Variants in RARB observed in about 807,000 individuals in gnomAD.
The protein encoded by RARB is retinoic acid receptor beta, also known as HBV-activated protein.
Under a neutral mutation model 51.9 loss-of-function variants are expected in RARB, and 17 were observed. The observed-to-expected ratio is 0.33, with a 90% CI of 0.22 to 0.49. RARB has a LOEUF of 0.49. RARB is among the 20% of genes least tolerant of loss of function. RARB has a pLI of 0.99. For missense variants in RARB, 369 were observed against 550.8 expected (o/e 0.67, Z 3.30); for synonymous variants, 215 against 195.4 (o/e 1.10, Z -0.84).
At chr3:25,425,908 T>C (rs1707975180), upstream of RARB, among the ~76,000 whole-genome samples, 1 of 152,202 alleles carries the variant, frequency 6.6e-6, no homozygotes, top group South Asian at 2.1e-4. Flanking sequence ...CTCCCCTGGA[T>C]AACAGATCCC....
intron 2 of RARB, among the ~76,000 whole-genome samples, chr3:24,899,802 A>C (rs1375386620): frequency 6.6e-6 from 1 of 152,250 alleles, no homozygotes; most frequent in Non-Finnish European, 1.5e-5. Flanking sequence ...TAAAATATTT[A>C]ACATGTGACT....
chr3:25,542,453 G>T (rs1472268588), intron 3 of RARB, among the ~76,000 whole-genome samples: 1 of 152,178 alleles, frequency 6.6e-6, no homozygotes, highest in African/African-American at 2.4e-5. Flanking sequence ...GTAAGGTAGA[G>T]AAATAGATGC....
chr3:25,294,689 C>T (rs1475668241), intron 5 of RARB, among the ~76,000 whole-genome samples: 1 of 137,766 alleles, frequency 7.3e-6, no homozygotes, highest in Admixed American at 6.9e-5. Context: ...AGGAGAGAGA[C>T]CATAGCTTCT....
At chr3:25,573,613 A>C (rs1700800186) in intron 4 of RARB, among the ~76,000 whole-genome samples, 1 of 152,218 alleles carries the variant, frequency 6.6e-6, no homozygotes, top group Non-Finnish European at 1.5e-5. Flanking sequence ...CCTTTCTGGA[A>C]GTCGGTGGTA....
At chr3:24,954,844 G>A (rs886629623) in intron 2 of RARB, among the ~76,000 whole-genome samples, 1 of 152,144 alleles carries the variant, frequency 6.6e-6, no homozygotes, top group Non-Finnish European at 1.5e-5. Flanking sequence ...TGGCTGCCAG[G>A]AGCTCAAACT....
At chr3:24,953,870 T>C (rs188061476) in intron 2 of RARB, among the ~76,000 whole-genome samples, 1 of 152,322 alleles carries the variant, frequency 6.6e-6, no homozygotes, top group Non-Finnish European at 1.5e-5. Flanking sequence ...TTCAAAGGCT[T>C]GGATATGACC....
At chr3:25,252,775 A>G (rs1702759629) in intron 5 of RARB, among the ~76,000 whole-genome samples, 2 of 152,120 alleles carry the variant, frequency 1.3e-5, no homozygotes. Flanking sequence ...ATTTATCTAT[A>G]TCCCCTTTTA....
Position 25,588,249 on chromosome 3 carries a change from G to A in RARB, c.787-5254G>A, listed in dbSNP as rs532148595. Among the ~76,000 whole-genome samples, 314 of 152,260 alleles carry A rather than the reference G, an allele frequency of 2.1e-3. 2 individuals are homozygous for A. Among genetic ancestry groups the A allele is most frequent in the Non-Finnish European group, 3.8e-3 (256 of 68,026 alleles). ...CAGAGAATATTGAGTGAATAAAAGC[G>A]GACACAAAAGAGAATATTCTGTATG... is the stretch of plus-strand genomic sequence containing the variant. On this transcript the variant is annotated intron_variant, in intron 5 of 7. Coordinates refer to ENST00000330688, the MANE Select transcript of RARB (RefSeq NM_000965.5).
At chr3:25,397,684 T>C (rs1001033759) in intron 5 of RARB, among the ~76,000 whole-genome samples, 6 of 152,218 alleles carry the variant, frequency 3.9e-5, no homozygotes, top group Non-Finnish European at 8.8e-5. Context: ...AGCATACATA[T>C]ATTTGTTCAC....
intron 2 of RARB, among the ~76,000 whole-genome samples, chr3:25,469,899 C>T (rs1161857852): frequency 6.6e-6 from 1 of 152,010 alleles, no homozygotes; most frequent in Non-Finnish European, 1.5e-5. Flanking sequence ...AGGCTCAAGT[C>T]TTTGAAAGAC....
At chr3:25,129,405 A>G (rs1001722600) in intron 3 of RARB, among the ~76,000 whole-genome samples, 2 of 152,052 alleles carry the variant, frequency 1.3e-5, no homozygotes, top group African/African-American at 4.8e-5. Context: ...TCCTTTATTT[A>G]AAACAAAGTT....
chr3:24,881,059 G>A (rs1703149538), intron 2 of RARB, among the ~76,000 whole-genome samples: 1 of 152,150 alleles, frequency 6.6e-6, no homozygotes, highest in Admixed American at 6.5e-5. Flanking sequence ...CCCCCATGCT[G>A]TTCTCATGAT....
At position 25,223,765 on chromosome 3, in the gene RARB, A is replaced by G. The variant is rs147441332; in HGVS notation, c.178+49190A>G. 2.7e-3 allele frequency among the ~76,000 whole-genome samples: 405 copies of G among 152,316 alleles called. 2 individuals carry two copies. Among genetic ancestry groups the G allele is most frequent in the African/African-American group, 9.4e-3 (390 of 41,564 alleles). The stretch of plus-strand genomic sequence containing the variant: ...ATTGAGCACTTATAGAAGTGCTTGT[A>G]AAGTGACTCAGTTCTCTGCACATAT... On this transcript the variant is annotated intron_variant, in intron 5 of 11. Coordinates refer to the RARB transcript ENST00000383772.
At chr3:25,195,350 T>C (rs1026947859) in intron 5 of RARB, among the ~76,000 whole-genome samples, 3 of 152,058 alleles carry the variant, frequency 2.0e-5, no homozygotes, top group African/African-American at 7.2e-5. Context: ...TTTCGTATAG[T>C]TATTCATGGG....
chr3:25,259,153 G>A (rs1387182269), intron 5 of RARB: 1 of 817,098 alleles, frequency 1.2e-6, no homozygotes, highest in African/African-American at 1.9e-5. Flanking sequence ...TAATAATATA[G>A]TAAATAGATA....
chr3:25,304,566 C>T (rs921828345), intron 5 of RARB, among the ~76,000 whole-genome samples: 12 of 152,178 alleles, frequency 7.9e-5, no homozygotes, highest in Non-Finnish European at 1.3e-4. Flanking sequence ...CTTTCATGCC[C>T]GAGATCTAAT....
intron 3 of RARB, among the ~76,000 whole-genome samples, chr3:25,561,867 T>C (rs1347451292): frequency 6.6e-6 from 1 of 152,238 alleles, no homozygotes; most frequent in African/African-American, 2.4e-5. Flanking sequence ...CAGAGCAAGA[T>C]ACAAGCTTAT....
At chr3:25,066,214 A>G (rs1030570290) in intron 3 of RARB, among the ~76,000 whole-genome samples, 1 of 148,932 alleles carries the variant, frequency 6.7e-6, no homozygotes, top group Non-Finnish European at 1.5e-5. Context: ...CATGCTTTCA[A>G]TTTCTCCAAT....
chr3:25,418,596 C>G (rs2125505180), intron 5 of RARB, among the ~76,000 whole-genome samples: 1 of 151,562 alleles, frequency 6.6e-6, no homozygotes, highest in South Asian at 2.1e-4. Context: ...ACTTGTCCAT[C>G]TCAACAGGTG....
Sources: allele counts gnomAD v4.1 joint callset (sites outside exome capture counted in the v4.1 genomes callset), GRCh38; gene constraint gnomAD v4.1.1; transcripts MANE v1.5; gene names NCBI Gene and HGNC (gene_info 2026-07-23, HGNC 2026-07-21).